The following SLC36A3 variants were observed in gnomAD, a reference collection of about 807,000 sequenced individuals.
SLC36A3 encodes the protein proton-coupled amino acid transporter 3.
In SLC36A3, 35 loss-of-function variants were observed where a neutral mutation model predicts 44.3. That is an observed-to-expected ratio of 0.79 (90% CI 0.60 to 1.05). The LOEUF (loss-of-function observed/expected upper bound fraction) is 1.05. SLC36A3 is among the 50% of genes least tolerant of loss of function. The pLI is 0.00. For missense variants in SLC36A3, 540 were observed against 578.7 expected, an observed-to-expected ratio of 0.93 and a Z score of 0.69; for synonymous variants, 211 against 227.6, an observed-to-expected ratio of 0.93 and a Z score of 0.66.
At chr5:151,291,858 G>A (rs1754768757) in intron 4 of SLC36A3, among the ~76,000 whole-genome samples, 1 of 151,856 alleles carries the variant, frequency 6.6e-6, no homozygotes, top group South Asian at 2.1e-4. Flanking sequence ...GGCAGCTTTT[G>A]TTTGTTTGTT....
intron 6 of SLC36A3, among the ~76,000 whole-genome samples, chr5:151,285,026 A>C (rs1347224060): frequency 6.6e-6 from 1 of 152,156 alleles, no homozygotes; most frequent in African/African-American, 2.4e-5. Context: ...GAAACTCTTT[A>C]TCTATCAAAT....
intron 4 of SLC36A3, chr5:151,289,162 ATATACATATATACAGTTTCTATTT>A (rs1322618922): frequency 6.6e-6 from 1 of 152,490 alleles, no homozygotes; most frequent in Non-Finnish European, 1.5e-5. Context: ...ATCTTCATAT[ATATACATATATACAGTTTCTATTT>A]TATACATATA....
Position 151,282,020 on chromosome 5 carries a change from A to G in SLC36A3, c.975-837T>C, listed in dbSNP as rs925008729. On this transcript the variant is annotated intron_variant, in intron 8 of 9. Coordinates refer to ENST00000335230, the MANE Select transcript of SLC36A3 (RefSeq NM_181774.4). ...GCTCATACAGAATGTAGGAACATACATGCATATCCACACACACACATGCAT... is the reference window on the plus strand; with the variant it reads ...GCTCATACAGAATGTAGGAACATACGTGCATATCCACACACACACATGCAT... Among the ~76,000 whole-genome samples the G allele has an allele frequency of 6.9e-4, 104 of 151,746 alleles. 7 individuals carry two copies. The highest frequency in any genetic ancestry group is 3.5e-4 in the Non-Finnish European group (24 of 67,986).
rs149775154 is a variant in SLC36A3 at position 151,281,227 on chromosome 5, G to A, written c.975-44C>T. 963 of 1,568,464 alleles carry A rather than the reference G, an allele frequency of 6.1e-4. 7 individuals carry two copies. The African/African-American group carries it at 0.011, about 18-fold the overall frequency. ...GATGTGAAAGGTGATGTGGCTCCCC[G>A]GAAGGGCCATTGAGGACTCACTTAC... On this transcript the variant is annotated intron_variant, in intron 8 of 9. Transcript: ENST00000335230.
In SLC36A3 at chr5:151,284,126, A is replaced by G; in HGVS notation, c.892T>C (p.Tyr298His). The change falls in exon 8 of 10, where the codon TAT (tyrosine) becomes CAT (histidine). Residue 298 changes from tyrosine (Y) to histidine (H), a missense_variant. Physicochemically the swap from Tyr to His is moderately conservative, Grantham distance 83 (BLOSUM62 2). Coordinates refer to ENST00000335230, the MANE Select transcript of SLC36A3 (RefSeq NM_181774.4). ...YLGMSIVIIL[Y>H]ILLGTLGYMK... is the part of the protein sequence containing the mutation. The stretch of plus-strand genomic sequence containing the variant: ...TAGCCCAGTGTCCCCAGTAAGATAT[A>G]GAGGATGATGACAATGGACATCCCC... The G allele has an allele frequency of 6.2e-7, 1 of 1,614,154 alleles. No homozygotes were observed. The highest frequency in any genetic ancestry group is 8.5e-7 in the Non-Finnish European group (1 of 1,180,030).
chr5:151,280,950 G>C (rs1754285032), intron 9 of SLC36A3, 64 bp downstream of exon 9: 2 of 1,590,802 alleles, frequency 1.3e-6, no homozygotes. Flanking sequence ...ATGATGGTGG[G>C]GTGGGCGCCA....
At chr5:151,299,372 G>GATATATAT (rs3051898) in intron 1 of SLC36A3, among the ~76,000 whole-genome samples, 69 of 136,562 alleles carry the variant, frequency 5.1e-4, no homozygotes, top group African/African-American at 1.8e-3. Flanking sequence ...TGAGCATGGT[G>GATATATAT]ATATATATAT....
At chr5:151,295,890 T>C (rs1399385294) in intron 3 of SLC36A3, among the ~76,000 whole-genome samples, 1 of 152,240 alleles carries the variant, frequency 6.6e-6, no homozygotes, top group African/African-American at 2.4e-5. Context: ...GTAATTTATA[T>C]AGTGCTTTTG....
chr5:151,280,879 T>TGAGGTCCAGG, intron 9 of SLC36A3, 135 bp downstream of exon 9: 1 of 908,930 alleles, frequency 1.1e-6, no homozygotes, highest in South Asian at 1.7e-5. Context: ...GTGGAAAAAT[T>TGAGGTCCAGG]GAGGTCCAGG....
chr5:151,294,175 C>T (rs1328289319), intron 3 of SLC36A3, among the ~76,000 whole-genome samples: 1 of 152,196 alleles, frequency 6.6e-6, no homozygotes, highest in African/African-American at 2.4e-5. Context: ...GAGCCAGTCT[C>T]TTGAGATCTC....
At chr5:151,290,530 C>T (rs540827196) in intron 4 of SLC36A3, among the ~76,000 whole-genome samples, 1 of 152,316 alleles carries the variant, frequency 6.6e-6, no homozygotes, top group South Asian at 2.1e-4. Context: ...CTCTTCAGCC[C>T]CATCACACAC....
intron 4 of SLC36A3, 72 bp downstream of exon 4, chr5:151,293,291 CT>C: frequency 7.7e-7 from 1 of 1,295,114 alleles, no homozygotes; most frequent in South Asian, 1.4e-5. Context: ...CATTTAAAAC[CT>C]GTGTAAGTAG....
intron 8 of SLC36A3, among the ~76,000 whole-genome samples, chr5:151,283,440 T>C (rs190412416): frequency 1.9e-4 from 29 of 152,300 alleles, no homozygotes; most frequent in Admixed American, 1.9e-3. Flanking sequence ...AAGTGCCCTG[T>C]CCAAGGCAGC....
At chr5:151,293,779 A>T (rs1172772722) in intron 3 of SLC36A3, among the ~76,000 whole-genome samples, 4 of 152,300 alleles carry the variant, frequency 2.6e-5, no homozygotes, top group East Asian at 1.9e-4. Flanking sequence ...GGAGGGGAAG[A>T]GGTGGTGTGG....
chr5:151,301,127 G>T (rs1182147449), intron 1 of SLC36A3, among the ~76,000 whole-genome samples: 3 of 152,168 alleles, frequency 2.0e-5, no homozygotes, highest in East Asian at 3.8e-4. Context: ...ACTCCATCTT[G>T]CTTCTAACCT....
chr5:151,303,165 T>C, intron 1 of SLC36A3, 62 bp downstream of exon 1: 7 of 1,565,472 alleles, frequency 4.5e-6, no homozygotes, highest in Non-Finnish European at 6.1e-6. Flanking sequence ...GAAGACATAG[T>C]CCAGAGTTGC....
chr5:151,281,833 C>T (rs1340376753), intron 8 of SLC36A3, among the ~76,000 whole-genome samples: 2 of 151,874 alleles, frequency 1.3e-5, no homozygotes, highest in East Asian at 1.9e-4. Flanking sequence ...AACAAACAAA[C>T]AAAAAAGACA....
intron 6 of SLC36A3, among the ~76,000 whole-genome samples, chr5:151,285,527 AG>A (rs1019448246): frequency 1.3e-5 from 2 of 152,214 alleles, no homozygotes; most frequent in Non-Finnish European, 2.9e-5. Flanking sequence ...TCATGAATCT[AG>A]GGGGAATGAT....
chr5:151,290,924 T>C (rs550470091), intron 4 of SLC36A3, among the ~76,000 whole-genome samples: 1 of 151,854 alleles, frequency 6.6e-6, no homozygotes, highest in Non-Finnish European at 1.5e-5. Context: ...CTGTAATAGA[T>C]AATAACTTTA....
Sources: allele counts gnomAD v4.1 joint callset (sites outside exome capture counted in the v4.1 genomes callset), GRCh38; gene constraint gnomAD v4.1.1; transcripts MANE v1.5; gene names NCBI Gene and HGNC (gene_info 2026-07-23, HGNC 2026-07-21).